The following SLC9A9 variants were observed in gnomAD, a reference collection of about 807,000 sequenced individuals.
SLC9A9 encodes the protein sodium/hydrogen exchanger 9.
Under a neutral mutation model 77.8 loss-of-function variants are expected in SLC9A9, and 62 were observed. The observed-to-expected ratio is 0.80, with a 90% CI of 0.65 to 0.98. SLC9A9 has a LOEUF of 0.98. SLC9A9 is among the 50% of genes least tolerant of loss of function. The probability of loss-of-function intolerance (pLI) is 0.00; values close to 1 mark genes in which losing one functional copy is unlikely to be tolerated. For missense variants in SLC9A9, 775 were observed against 774.9 expected, an observed-to-expected ratio of 1.00 and a Z score of 0.00; for synonymous variants, 320 against 283.5, an observed-to-expected ratio of 1.13 and a Z score of -1.29.
intron 9 of SLC9A9, among the ~76,000 whole-genome samples, chr3:143,523,264 A>C (rs1483893479): frequency 6.6e-6 from 1 of 152,168 alleles, no homozygotes; most frequent in African/African-American, 2.4e-5. Flanking sequence ...CTTTGCTTTC[A>C]AAGTGTATGA....
intron 1 of SLC9A9, among the ~76,000 whole-genome samples, chr3:143,840,415 T>A (rs2009678280): frequency 6.6e-6 from 1 of 152,200 alleles, no homozygotes; most frequent in Admixed American, 6.5e-5. Context: ...GAAAGCCTAT[T>A]TTGCATGATT....
chr3:143,487,222 TATAAAC>T (rs1169038113), intron 11 of SLC9A9, among the ~76,000 whole-genome samples: 1 of 151,912 alleles, frequency 6.6e-6, no homozygotes, highest in Admixed American at 6.6e-5. Context: ...ATATAACAAT[TATAAAC>T]AATTATAAAC....
intron 9 of SLC9A9, among the ~76,000 whole-genome samples, chr3:143,520,953 G>A (rs1239872866): frequency 3.3e-5 from 5 of 152,112 alleles, no homozygotes; most frequent in Non-Finnish European, 7.4e-5. Flanking sequence ...TGGAACTGAA[G>A]TAATTCTTTA....
chr3:143,333,041 T>G (rs777745657), intron 14 of SLC9A9, among the ~76,000 whole-genome samples: 1 of 152,216 alleles, frequency 6.6e-6, no homozygotes, highest in Non-Finnish European at 1.5e-5. Flanking sequence ...TGTAGTTTTT[T>G]AAGGGGAAAA....
intron 6 of SLC9A9, among the ~76,000 whole-genome samples, chr3:143,586,222 C>T (rs1576593155): frequency 6.6e-6 from 1 of 152,246 alleles, no homozygotes; most frequent in East Asian, 1.9e-4. Flanking sequence ...AGCATCCTAA[C>T]TGCTGGGGAG....
intron 9 of SLC9A9, among the ~76,000 whole-genome samples, chr3:143,505,589 T>G: frequency 6.6e-6 from 1 of 152,204 alleles, no homozygotes; most frequent in African/African-American, 2.4e-5. Flanking sequence ...TTGAGAATTT[T>G]GGGGTTCCCT....
intron 4 of SLC9A9, among the ~76,000 whole-genome samples, chr3:143,777,743 C>G (rs2108844645): frequency 7.1e-6 from 1 of 141,372 alleles, no homozygotes; most frequent in Non-Finnish European, 1.5e-5. Flanking sequence ...GAGGCAGAGT[C>G]TCGCTCTGTC....
chr3:143,726,092 A>G, intron 4 of SLC9A9, among the ~76,000 whole-genome samples: 1 of 152,130 alleles, frequency 6.6e-6, no homozygotes, highest in Admixed American at 6.5e-5. Context: ...AATAATTTTA[A>G]TAGCTCATTA....
chr3:143,628,112 C>T (rs1328852837), intron 6 of SLC9A9, among the ~76,000 whole-genome samples: 1 of 152,102 alleles, frequency 6.6e-6, no homozygotes, highest in Non-Finnish European at 1.5e-5. Context: ...AAGGAGCATG[C>T]TTTTGTTTAG....
chr3:143,496,134 T>C (rs1250580436), intron 9 of SLC9A9, among the ~76,000 whole-genome samples: 2 of 152,198 alleles, frequency 1.3e-5, no homozygotes, highest in African/African-American at 2.4e-5. Flanking sequence ...AATAGATACA[T>C]CAAATTCAGT....
At chr3:143,394,965 G>A (rs199753593) in intron 12 of SLC9A9, among the ~76,000 whole-genome samples, 3 of 152,052 alleles carry the variant, frequency 2.0e-5, no homozygotes, top group African/African-American at 7.2e-5. Flanking sequence ...AAACAAATGG[G>A]AGAACATTCC....
At chr3:143,776,074 T>G (rs77033274) in intron 4 of SLC9A9, among the ~76,000 whole-genome samples, 1,647 of 152,306 alleles carry the variant, frequency 0.011, 34 homozygotes, top group African/African-American at 0.037. Flanking sequence ...CTTTATCATG[T>G]TCTAAATAAA....
intron 4 of SLC9A9, among the ~76,000 whole-genome samples, chr3:143,716,767 G>A (rs1934362952): frequency 6.6e-6 from 1 of 152,246 alleles, no homozygotes; most frequent in Non-Finnish European, 1.5e-5. Flanking sequence ...GAGATGCTGA[G>A]TGAGCAAATA....
chr3:143,493,548 GAGA>G, intron 11 of SLC9A9, 102 bp downstream of exon 11: 1 of 949,798 alleles, frequency 1.1e-6, no homozygotes. Context: ...ATGGGATAAA[GAGA>G]AGTTGTTTCC....
At chr3:143,772,224 T>C (rs902450758) in intron 4 of SLC9A9, among the ~76,000 whole-genome samples, 10 of 152,140 alleles carry the variant, frequency 6.6e-5, no homozygotes, top group African/African-American at 2.4e-4. Context: ...ATATCACCTC[T>C]GTGAATCAGC....
intron 12 of SLC9A9, among the ~76,000 whole-genome samples, chr3:143,410,271 G>T (rs1363205874): frequency 6.6e-6 from 1 of 152,086 alleles, no homozygotes; most frequent in Non-Finnish European, 1.5e-5. Flanking sequence ...CTGTACTGGG[G>T]ACACAAAAAT....
chr3:143,817,381 C>G (rs1051327338), intron 2 of SLC9A9, among the ~76,000 whole-genome samples: 60 of 151,768 alleles, frequency 4.0e-4, no homozygotes, highest in Non-Finnish European at 7.7e-4. Context: ...ATCTCCTGAC[C>G]TCATGATCCA....
At chr3:143,597,142 T>A (rs992984242) in intron 6 of SLC9A9, among the ~76,000 whole-genome samples, 1 of 152,124 alleles carries the variant, frequency 6.6e-6, no homozygotes, top group Non-Finnish European at 1.5e-5. Context: ...TCCAGGCGAG[T>A]ATGAGTCAGC....
chr3:143,348,685 T>C (rs142313957), intron 14 of SLC9A9, among the ~76,000 whole-genome samples: 1 of 152,214 alleles, frequency 6.6e-6, no homozygotes, highest in Non-Finnish European at 1.5e-5. Context: ...TTGTGCAATA[T>C]AGTTTTGGTT....
Sources: allele counts gnomAD v4.1 joint callset (sites outside exome capture counted in the v4.1 genomes callset), GRCh38; gene constraint gnomAD v4.1.1; transcripts MANE v1.5; gene names NCBI Gene and HGNC (gene_info 2026-07-23, HGNC 2026-07-21).